The following CSMD1 variants were observed in gnomAD, a reference collection of about 807,000 sequenced individuals.
CSMD1 encodes the protein CUB and Sushi multiple domains 1.
A neutral mutation model predicts 417.5 loss-of-function variants in CSMD1; 213 were observed. The ratio of observed to expected loss-of-function variants is 0.51; its 90% CI spans 0.46 to 0.57. CSMD1 has a LOEUF of 0.57. Among genes scored for constraint, CSMD1 ranks in the 20% least tolerant of loss-of-function variants. The pLI is 0.00. For synonymous variants in CSMD1, 2,862 were observed against 1,736.8 expected, an observed-to-expected ratio of 1.65 and a Z score of -16.11; for missense variants, 6,923 against 4,529.7, an observed-to-expected ratio of 1.53 and a Z score of -15.17.
At chr8:4,699,013 T>A (rs1181086711) in intron 1 of CSMD1, among the ~76,000 whole-genome samples, 1 of 152,060 alleles carries the variant, frequency 6.6e-6, no homozygotes, top group Non-Finnish European at 1.5e-5. Flanking sequence ...GTCTCCACTA[T>A]CTATGCCTTT....
chr8:4,689,143 A>C (rs1186479080), intron 1 of CSMD1, among the ~76,000 whole-genome samples: 1 of 152,204 alleles, frequency 6.6e-6, no homozygotes, highest in Non-Finnish European at 1.5e-5. Flanking sequence ...TAATGCCTGA[A>C]TTCAGCAAAG....
rs184781545 is a variant in CSMD1 at position 2,980,080 on chromosome 8, A to G, written c.8378-1280T>C. On this transcript the variant is annotated intron_variant, in intron 54 of 69. Coordinates refer to ENST00000635120, the MANE Select transcript of CSMD1 (RefSeq NM_033225.6). ...AGCTCCCCCATGCCATACTTTCATA[A>G]GGAGACGGACAGTCCCGGGCTGGAA... Among the ~76,000 whole-genome samples the G allele has an allele frequency of 2.0e-5, 3 of 152,344 alleles. No individual in the cohort carries two copies. The East Asian group carries it at 5.8e-4, about 29-fold the overall frequency.
intron 4 of CSMD1, among the ~76,000 whole-genome samples, chr8:3,999,232 C>T (rs1563302011): frequency 6.6e-6 from 1 of 151,804 alleles, no homozygotes; most frequent in Non-Finnish European, 1.5e-5. Context: ...TCTGATACTG[C>T]AATGTGGATG....
At chr8:4,197,327 G>C (rs1442675947) in intron 3 of CSMD1, among the ~76,000 whole-genome samples, 1 of 152,194 alleles carries the variant, frequency 6.6e-6, no homozygotes, top group South Asian at 2.1e-4. Flanking sequence ...ACCTGACTTG[G>C]CCATAGGATG....
At chr8:3,792,258 A>C (rs552691577) in intron 5 of CSMD1, among the ~76,000 whole-genome samples, 2 of 152,066 alleles carry the variant, frequency 1.3e-5, no homozygotes, top group African/African-American at 4.8e-5. Flanking sequence ...GTGCCACTAC[A>C]TGCCAGCCTG....
chr8:3,540,731 A>G (rs1030190382), intron 10 of CSMD1, among the ~76,000 whole-genome samples: 2 of 152,250 alleles, frequency 1.3e-5, no homozygotes, highest in Non-Finnish European at 2.9e-5. Context: ...AAAGACATGA[A>G]CAGACACTTC....
rs1809079222 is a variant in CSMD1, at chr8:3,018,656, A to T, written c.7856-6T>A. The T allele has an allele frequency of 1.2e-6, 2 of 1,609,018 alleles. No homozygotes were observed. Among genetic ancestry groups the T allele is most frequent in the Non-Finnish European group, 1.7e-6 (2 of 1,176,746 alleles). On this transcript the variant is annotated splice_region_variant and splice_polypyrimidine_tract_variant and intron_variant, in intron 51 of 69. Transcript: ENST00000635120. ...AAGGCTTCCACACGAGATAACTAGA[A>T]GGAAAAACAATAAAATGAACATCAA...
intron 11 of CSMD1, among the ~76,000 whole-genome samples, chr8:3,479,961 C>T (rs2117238125): frequency 6.6e-6 from 1 of 152,136 alleles, no homozygotes; most frequent in African/African-American, 2.4e-5. Flanking sequence ...CTAAAAATAG[C>T]TAGATTTGCT....
At chr8:4,719,053 A>T (rs1161307256) in intron 1 of CSMD1, among the ~76,000 whole-genome samples, 1 of 152,134 alleles carries the variant, frequency 6.6e-6, no homozygotes, top group Non-Finnish European at 1.5e-5. Flanking sequence ...CTGGTGAAGA[A>T]AAAAAAGAGA....
At chr8:4,249,691 G>C (rs916560408) in intron 3 of CSMD1, among the ~76,000 whole-genome samples, 1 of 152,150 alleles carries the variant, frequency 6.6e-6, no homozygotes, top group African/African-American at 2.4e-5. Context: ...CGCTGTTGTA[G>C]CGAAATAAAG....
rs1229682369 is a variant in CSMD1 at position 4,173,081 on chromosome 8, T to C, written c.416-140982A>G. 3.9e-5 allele frequency among the ~76,000 whole-genome samples: 6 copies of C among 152,148 alleles called. No individual in the cohort carries two copies. The South Asian group carries it at 1.2e-3, about 32-fold the overall frequency. On this transcript the variant is annotated intron_variant, in intron 3 of 69. Transcript: ENST00000635120. ...CAGCAATAAATAACTTCCATCTTAA[T>C]TTCAGGGAAAGGTTGTATGAACCAC...
chr8:3,052,798 G>A (rs74921867), intron 49 of CSMD1, among the ~76,000 whole-genome samples, 151 bp from the exon 50 acceptor site: 34,488 of 104,042 alleles, frequency 0.33, 4,898 homozygotes, highest in East Asian at 0.43. Context: ...TTTTTTTTCT[G>A]GAGACAAGAG....
At chr8:3,539,109 A>T (rs1211996867) in intron 10 of CSMD1, among the ~76,000 whole-genome samples, 4 of 152,050 alleles carry the variant, frequency 2.6e-5, no homozygotes, top group Non-Finnish European at 5.9e-5. Context: ...CTTTCCCTGC[A>T]CCCGCGGATA....
chr8:3,179,164 C>A (rs1202878707), intron 37 of CSMD1, among the ~76,000 whole-genome samples: 10 of 151,510 alleles, frequency 6.6e-5, no homozygotes, highest in Non-Finnish European at 1.5e-4. Context: ...CCAGGACTGT[C>A]TCGATCTCCT....
At chr8:3,571,432 T>G (rs1398230383) in intron 10 of CSMD1, among the ~76,000 whole-genome samples, 1 of 152,180 alleles carries the variant, frequency 6.6e-6, no homozygotes, top group Non-Finnish European at 1.5e-5. Flanking sequence ...GGAAAGATTT[T>G]GAGAATGCAG....
intron 49 of CSMD1, among the ~76,000 whole-genome samples, chr8:3,080,562 T>C (rs756660785): frequency 9.9e-5 from 15 of 152,244 alleles, no homozygotes; most frequent in Non-Finnish European, 4.4e-5. Context: ...CAGAAGCTAA[T>C]TGCGAGCCAT....
At chr8:4,435,934 A>G (rs1366031278) in intron 2 of CSMD1, among the ~76,000 whole-genome samples, 2 of 152,158 alleles carry the variant, frequency 1.3e-5, no homozygotes, top group African/African-American at 2.4e-5. Flanking sequence ...AATTTTAACC[A>G]AAATCTACAT....
intron 1 of CSMD1, among the ~76,000 whole-genome samples, chr8:4,868,504 A>G (rs775255039): frequency 3.3e-5 from 5 of 152,024 alleles, no homozygotes; most frequent in Admixed American, 6.5e-5. Flanking sequence ...CCAAAGTGCT[A>G]AAATGACAGT....
At chr8:4,605,297 G>T (rs779431601) in intron 2 of CSMD1, among the ~76,000 whole-genome samples, 2 of 151,998 alleles carry the variant, frequency 1.3e-5, no homozygotes, top group Non-Finnish European at 2.9e-5. Flanking sequence ...AGAAGAAGAA[G>T]AAATTTTCAC....
Sources: allele counts gnomAD v4.1 joint callset (sites outside exome capture counted in the v4.1 genomes callset), GRCh38; gene constraint gnomAD v4.1.1; transcripts MANE v1.5; gene names NCBI Gene and HGNC (gene_info 2026-07-23, HGNC 2026-07-21).